C2orf76: variants seen among roughly 807,000 people sequenced by gnomAD.
C2orf76 encodes the protein UPF0538 protein C2orf76.
In C2orf76, 23 loss-of-function variants were observed where a neutral mutation model predicts 16.9. That is an observed-to-expected ratio of 1.36 (90% CI 0.98 to 1.93). The LOEUF is 1.93. Ranked by LOEUF, C2orf76 falls within the 30% of genes most tolerant of loss-of-function variation. C2orf76 has a pLI of 0.00. For missense variants in C2orf76, 152 were observed against 152.6 expected (o/e 1.00, Z 0.02); for synonymous variants, 48 against 52.3 (o/e 0.92, Z 0.35).
chr2:119,348,264 T>C (rs900539005), intron 1 of C2orf76, among the ~76,000 whole-genome samples: 1 of 152,162 alleles, frequency 6.6e-6, no homozygotes, highest in African/African-American at 2.4e-5. Context: ...CACTTAAATG[T>C]CCAACAGTAA....
intron 2 of C2orf76, among the ~76,000 whole-genome samples, chr2:119,331,194 T>C (rs973507419): frequency 6.6e-5 from 10 of 152,200 alleles, no homozygotes; most frequent in Non-Finnish European, 1.5e-4. Flanking sequence ...TTAAATTACT[T>C]GGAAACAATC....
intron 3 of C2orf76, among the ~76,000 whole-genome samples, chr2:119,319,559 G>T (rs1370365472): frequency 1.3e-5 from 2 of 152,226 alleles, no homozygotes; most frequent in African/African-American, 2.4e-5. Context: ...GAAACAGAGA[G>T]GGATGAGCAG....
chr2:119,293,894 G>C, the C2orf76 span, among the ~76,000 whole-genome samples: 1 of 151,960 alleles, frequency 6.6e-6, no homozygotes, highest in Non-Finnish European at 1.5e-5. Flanking sequence ...CAGAGGCTCA[G>C]CTGGAGTGTG....
downstream of C2orf76, among the ~76,000 whole-genome samples, chr2:119,301,951 T>C (rs993195591): frequency 2.0e-5 from 3 of 149,070 alleles, no homozygotes; most frequent in African/African-American, 4.9e-5. Flanking sequence ...TCCTACATCA[T>C]AAAACCTCCC....
At chr2:119,309,388 TTC>T (rs1387294569) in intron 5 of C2orf76, among the ~76,000 whole-genome samples, 3 of 149,198 alleles carry the variant, frequency 2.0e-5, no homozygotes, top group African/African-American at 7.5e-5. Context: ...TTTTCTTTTT[TTC>T]TCTTTTTCTT....
At chr2:119,297,465 C>T (rs1296430084), downstream of C2orf76, among the ~76,000 whole-genome samples, 1 of 152,080 alleles carries the variant, frequency 6.6e-6, no homozygotes, top group African/African-American at 2.4e-5. Context: ...AAAGGAGTGA[C>T]CTTGCAAGAA....
rs1680277944 is a variant in C2orf76, at chr2:119,348,539, AGCCAGGC to A, written c.-12-8575_-12-8569del. On this transcript the variant is annotated intron_variant, in intron 1 of 5. Coordinates refer to ENST00000334816, the MANE Select transcript of C2orf76 (RefSeq NM_001322331.2). ...CTGTCTCTACTAAAAGTACAAAATT[AGCCAGGC>A]GTGGTGGTGCGCGCCTGTAATCCCA... is the stretch of plus-strand genomic sequence containing the variant. 3.3e-5 allele frequency among the ~76,000 whole-genome samples: 5 copies of A among 152,058 alleles called. No individual in the cohort carries two copies. In the South Asian group the frequency reaches 1.0e-3, roughly 32 times the overall value.
upstream of C2orf76, chr2:119,367,001 T>C (rs530783915): frequency 2.5e-6 from 4 of 1,612,818 alleles, no homozygotes; most frequent in East Asian, 4.5e-5. Context: ...GATCGCTTCC[T>C]GGTCCTCGCC....
chr2:119,284,682 T>A, the C2orf76 span, among the ~76,000 whole-genome samples: 1 of 111,978 alleles, frequency 8.9e-6, no homozygotes, highest in Non-Finnish European at 1.7e-5. Context: ...GGGATTTTGG[T>A]TTTTTTTTTT....
chr2:119,317,570 T>A, intron 3 of C2orf76, 67 bp from the exon 4 acceptor site: 1 of 1,339,204 alleles, frequency 7.5e-7, no homozygotes, highest in East Asian at 2.4e-5. Flanking sequence ...ATTATTAAAA[T>A]GGGTGGAGGG....
At chr2:119,351,698 G>A (rs774448120) in intron 1 of C2orf76, among the ~76,000 whole-genome samples, 2 of 151,990 alleles carry the variant, frequency 1.3e-5, no homozygotes, top group Non-Finnish European at 2.9e-5. Flanking sequence ...AGGTTGCAGT[G>A]AGCCAAGATT....
chr2:119,341,904 G>A (rs1447461470), intron 1 of C2orf76, among the ~76,000 whole-genome samples: 3 of 152,102 alleles, frequency 2.0e-5, no homozygotes, highest in East Asian at 1.9e-4. Flanking sequence ...CATCAGTGAC[G>A]GCAGGGACTT....
Position 119,348,046 on chromosome 2 carries a change from CAAAAAAAAAA to C in C2orf76, c.-12-8085_-12-8076del, listed in dbSNP as rs1205382710. ...TGGGAAACAGGACAAGGCTCTGTCT[CAAAAAAAAAA>C]AAAAAAAAAAAAAATACTAGACCAT... On this transcript the variant is annotated intron_variant, in intron 1 of 5. Transcript: ENST00000334816. Among the ~76,000 whole-genome samples the C allele has an allele frequency of 9.8e-5, 8 of 81,984 alleles. No homozygotes were observed. In the South Asian group the frequency reaches 3.1e-3, roughly 31 times the overall value. The allele number at this position is 81,984 out of a possible 152,430, so 53.8% of individuals were successfully genotyped here.
intron 1 of C2orf76, among the ~76,000 whole-genome samples, chr2:119,360,307 G>A (rs1490408451): frequency 2.0e-5 from 3 of 151,742 alleles, no homozygotes; most frequent in Non-Finnish European, 4.4e-5. Context: ...GTGAAACCCC[G>A]TCTCTACTAA....
At chr2:119,327,400 A>G (rs952466613) in intron 2 of C2orf76, among the ~76,000 whole-genome samples, 3 of 128,402 alleles carry the variant, frequency 2.3e-5, no homozygotes, top group Admixed American at 9.8e-5. Context: ...TAAACCCTAC[A>G]TGGTCATTGA....
At chr2:119,352,957 A>C (rs1255738459) in intron 1 of C2orf76, among the ~76,000 whole-genome samples, 2 of 152,190 alleles carry the variant, frequency 1.3e-5, no homozygotes, top group Non-Finnish European at 2.9e-5. Context: ...AAATCAATAA[A>C]AAGAATATAT....
At chr2:119,354,963 G>A (rs1415307766) in intron 1 of C2orf76, among the ~76,000 whole-genome samples, 1 of 152,140 alleles carries the variant, frequency 6.6e-6, no homozygotes, top group Non-Finnish European at 1.5e-5. Flanking sequence ...CTTGATTACT[G>A]TTCACATCTA....
intron 2 of C2orf76, among the ~76,000 whole-genome samples, chr2:119,337,874 C>T (rs1436136511): frequency 6.6e-6 from 1 of 152,190 alleles, no homozygotes; most frequent in Non-Finnish European, 1.5e-5. Context: ...GAAAAGAACA[C>T]CGTGACCCTG....
At chr2:119,351,105 C>T (rs142175245) in intron 1 of C2orf76, among the ~76,000 whole-genome samples, 3 of 152,268 alleles carry the variant, frequency 2.0e-5, no homozygotes, top group African/African-American at 7.2e-5. Context: ...ATTAGGGTCT[C>T]GTGAGCTCGA....
Sources: allele counts gnomAD v4.1 joint callset (sites outside exome capture counted in the v4.1 genomes callset), GRCh38; gene constraint gnomAD v4.1.1; transcripts MANE v1.5; gene names NCBI Gene and HGNC (gene_info 2026-07-23, HGNC 2026-07-21).